The following OXR1 variants were observed in gnomAD, a reference collection of about 807,000 sequenced individuals.
The protein encoded by OXR1 is oxidation resistance 1, also known as oxidation resistance protein 1.
Under a neutral mutation model 104.6 loss-of-function variants are expected in OXR1, and 41 were observed. That is an observed-to-expected ratio of 0.39 (90% CI 0.31 to 0.51). OXR1 has a LOEUF of 0.51. Ranked by LOEUF, OXR1 falls within the 20% of genes least tolerant of loss-of-function variation. The probability of loss-of-function intolerance (pLI) is 0.77; values close to 1 mark genes in which losing one functional copy is unlikely to be tolerated. For synonymous variants in OXR1, 348 were observed against 348.4 expected, an observed-to-expected ratio of 1.00 and a Z score of 0.01; for missense variants, 955 against 1,031.9, an observed-to-expected ratio of 0.93 and a Z score of 1.02.
intron 1 of OXR1, among the ~76,000 whole-genome samples, chr8:106,281,938 G>T: frequency 6.6e-6 from 1 of 151,654 alleles, no homozygotes; most frequent in Admixed American, 6.6e-5. Context: ...TATACAATCT[G>T]AATTTTTTCA....
chr8:106,277,873 G>A (rs1812120829), intron 1 of OXR1, among the ~76,000 whole-genome samples: 1 of 152,204 alleles, frequency 6.6e-6, no homozygotes, highest in Non-Finnish European at 1.5e-5. Flanking sequence ...CAGGTCAAGA[G>A]CCCTCCACCA....
At chr8:106,321,601 G>A (rs145419378) in intron 1 of OXR1, among the ~76,000 whole-genome samples, 4 of 152,282 alleles carry the variant, frequency 2.6e-5, no homozygotes, top group Non-Finnish European at 5.9e-5. Flanking sequence ...AAGTAAGAGC[G>A]AGGAGCGAGA....
intron 11 of OXR1, among the ~76,000 whole-genome samples, chr8:106,731,697 G>A (rs1400719536): frequency 2.0e-5 from 3 of 152,140 alleles, no homozygotes; most frequent in Non-Finnish European, 1.5e-5. Flanking sequence ...TCAGTTGACT[G>A]TATTTATGTG....
chr8:106,359,534 A>T lies in OXR1; in HGVS notation c.-80A>T. On this transcript the variant is annotated 5_prime_UTR_variant, in exon 2 of 17. Coordinates refer to ENST00000517566, the MANE Select transcript of OXR1 (RefSeq NM_001198533.2). ...TGCATCATTCCAGAAGCAAAGCTAA[A>T]ATTTTTAGCGGTGTTGTCGACTTGA... 1 of 1,093,578 alleles carries T rather than the reference A, an allele frequency of 9.1e-7. No homozygotes were observed. The highest frequency in any genetic ancestry group is 1.4e-6 in the Non-Finnish European group (1 of 729,204). The allele number at this position is 1,093,578 out of a possible 1,614,324, so 67.7% of individuals were successfully genotyped here.
intron 3 of OXR1, among the ~76,000 whole-genome samples, chr8:106,613,069 G>A (rs915685994): frequency 4.6e-5 from 7 of 152,004 alleles, no homozygotes; most frequent in African/African-American, 1.7e-4. Context: ...TATAACAGGA[G>A]GGAAGAACAG....
chr8:106,368,041 G>T (rs780617556), intron 2 of OXR1, among the ~76,000 whole-genome samples: 8 of 152,032 alleles, frequency 5.3e-5, no homozygotes, highest in Non-Finnish European at 1.0e-4. Context: ...AAATGTGATG[G>T]GAAATTTTGC....
intron 1 of OXR1, among the ~76,000 whole-genome samples, chr8:106,292,807 G>A (rs192935542): frequency 1.3e-5 from 2 of 152,322 alleles, no homozygotes; most frequent in African/African-American, 2.4e-5. Flanking sequence ...GTGAGGTAGC[G>A]AAAATCAAGT....
At chr8:106,323,342 A>T (rs10105383) in intron 1 of OXR1, among the ~76,000 whole-genome samples, 51,606 of 151,924 alleles carry the variant, frequency 0.34, 11,273 homozygotes, top group African/African-American at 0.63. Context: ...TATGCAGAAG[A>T]TTCTTTACAC....
intron 2 of OXR1, among the ~76,000 whole-genome samples, chr8:106,431,549 T>G (rs367966131): frequency 2.6e-5 from 4 of 152,324 alleles, no homozygotes; most frequent in African/African-American, 9.6e-5. Flanking sequence ...CCATCATGCT[T>G]CATTTTTCTT....
At chr8:106,716,150 CTAAA>C (rs1291805479) in intron 11 of OXR1, among the ~76,000 whole-genome samples, 1 of 152,108 alleles carries the variant, frequency 6.6e-6, no homozygotes, top group Non-Finnish European at 1.5e-5. Context: ...TTCATGAAAT[CTAAA>C]TATGATCTAA....
chr8:106,729,844 A>G (rs1481288857), intron 11 of OXR1: 1 of 152,160 alleles, frequency 6.6e-6, no homozygotes, highest in African/African-American at 2.4e-5. Flanking sequence ...ATTCTAAGAG[A>G]GCTGTAACAC....
intron 2 of OXR1, among the ~76,000 whole-genome samples, chr8:106,515,394 C>T (rs1240893445): frequency 6.6e-6 from 1 of 152,082 alleles, no homozygotes; most frequent in African/African-American, 2.4e-5. Context: ...TGTTGTATAG[C>T]AGATCTCTTG....
intron 11 of OXR1, among the ~76,000 whole-genome samples, chr8:106,723,457 C>T (rs1202518603): frequency 1.3e-5 from 2 of 149,628 alleles, no homozygotes; most frequent in Non-Finnish European, 3.0e-5. Flanking sequence ...GAGATCGTGC[C>T]ACTGCACTCC....
intron 9 of OXR1, 98 bp from the exon 10 acceptor site, chr8:106,710,524 C>T (rs1831585160): frequency 1.4e-6 from 1 of 703,544 alleles, no homozygotes; most frequent in African/African-American, 1.8e-5. Flanking sequence ...AGGTTTTATT[C>T]TGTAACTATT....
intron 3 of OXR1, among the ~76,000 whole-genome samples, chr8:106,665,257 CTAAT>C (rs1318965037): frequency 6.6e-6 from 1 of 152,028 alleles, no homozygotes; most frequent in Non-Finnish European, 1.5e-5. Flanking sequence ...TTTAAACACA[CTAAT>C]TAAGCTAATG....
intron 2 of OXR1, among the ~76,000 whole-genome samples, chr8:106,385,503 C>T (rs1817337269): frequency 6.6e-6 from 1 of 152,154 alleles, no homozygotes; most frequent in South Asian, 2.1e-4. Flanking sequence ...TTGTAACTAA[C>T]ATGTGTTGAA....
chr8:106,565,737 G>T (rs948907506), intron 3 of OXR1, among the ~76,000 whole-genome samples: 1 of 152,046 alleles, frequency 6.6e-6, no homozygotes, highest in Admixed American at 6.6e-5. Context: ...TATACTACAA[G>T]GTTACAGTAA....
intron 3 of OXR1, among the ~76,000 whole-genome samples, chr8:106,573,795 T>C (rs978675371): frequency 1.3e-5 from 2 of 152,224 alleles, no homozygotes; most frequent in Non-Finnish European, 2.9e-5. Flanking sequence ...ATTTGGACAC[T>C]AGAATGGGAA....
chr8:106,438,898 C>A (rs1819678827), intron 2 of OXR1, among the ~76,000 whole-genome samples: 1 of 152,058 alleles, frequency 6.6e-6, no homozygotes, highest in Non-Finnish European at 1.5e-5. Flanking sequence ...CAGCCCCCAC[C>A]TGCATATGAA....
Sources: allele counts gnomAD v4.1 joint callset (sites outside exome capture counted in the v4.1 genomes callset), GRCh38; gene constraint gnomAD v4.1.1; transcripts MANE v1.5; gene names NCBI Gene and HGNC (gene_info 2026-07-23, HGNC 2026-07-21).